Variants in ATRX observed in about 807,000 individuals in gnomAD.
ATRX encodes the protein ATRX chromatin remodeler, also known as chromatin remodeler ATRX.
A neutral mutation model predicts 172.6 loss-of-function variants in ATRX; 12 were observed. That is an observed-to-expected ratio of 0.07 (90% CI 0.04 to 0.11). The LOEUF is 0.11. ATRX is among the 10% of genes least tolerant of loss of function. The pLI is 1.00. For missense variants in ATRX, 1,368 were observed against 1,767.4 expected (o/e 0.77, Z 4.05); for synonymous variants, 674 against 594.7 (o/e 1.13, Z -1.94).
intron 1 of ATRX, among the ~76,000 whole-genome samples, chrX:77,729,483 A>C (rs2074207025): frequency 1.8e-5 from 2 of 112,244 alleles, no homozygotes; most frequent in African/African-American, 6.5e-5. Flanking sequence ...TAATTCATAG[A>C]CTTTTCTTTA....
chrX:77,737,068 G>A (rs193167898), intron 1 of ATRX, among the ~76,000 whole-genome samples: 4 of 110,140 alleles, frequency 3.6e-5, no homozygotes, highest in Non-Finnish European at 5.7e-5. Context: ...AAGTGCGAGG[G>A]GGGGCAAGAT....
rs146521598 is a variant in ATRX at position 77,681,975 on chromosome X, C to A, written c.3281G>T (p.Cys1094Phe). 1 of 1,210,169 alleles carries A rather than the reference C, an allele frequency of 8.3e-7. No homozygotes were observed. Among genetic ancestry groups the A allele is most frequent in the Admixed American group, 2.2e-5 (1 of 45,971 alleles). ...CCTTGAACTCTTTCCAAGCAACTTG[C>A]ACCTTTTCTTCTCTCTACCATATGC... ...NGAYGREKKR[C>F]KLLGKSSRKR... The change falls in exon 9 of 35, where the codon TGC (cysteine) becomes TTC (phenylalanine). Residue 1094 changes from cysteine (C) to phenylalanine (F), a missense_variant. Transcript: ENST00000373344.
intron 30 of ATRX, among the ~76,000 whole-genome samples, chrX:77,526,390 C>A (rs2063382788): frequency 8.9e-6 from 1 of 111,802 alleles, no homozygotes; most frequent in African/African-American, 3.3e-5. Flanking sequence ...GCAACCTCCA[C>A]CTCCCAGGTT....
chrX:77,757,932 T>C (rs1250077123), intron 1 of ATRX, among the ~76,000 whole-genome samples: 1 of 109,163 alleles, frequency 9.2e-6, no homozygotes, highest in Non-Finnish European at 1.9e-5. Context: ...GGCCTCCCAA[T>C]TGACTTATCT....
intron 1 of ATRX, among the ~76,000 whole-genome samples, chrX:77,732,110 C>A (rs1557176423): frequency 8.9e-6 from 1 of 111,848 alleles, no homozygotes; most frequent in Non-Finnish European, 1.9e-5. Context: ...ACACCACCCC[C>A]CTCCCCATCA....
At chrX:77,539,297 G>A (rs1024826699) in intron 30 of ATRX, among the ~76,000 whole-genome samples, 1 of 110,825 alleles carries the variant, frequency 9.0e-6, no homozygotes, top group Admixed American at 9.7e-5. Flanking sequence ...TTTAAAAGTA[G>A]ATAGTATAAG....
intron 2 of ATRX, among the ~76,000 whole-genome samples, chrX:77,709,254 C>T (rs782211679): frequency 8.9e-6 from 1 of 112,009 alleles, no homozygotes; most frequent in African/African-American, 3.2e-5. Flanking sequence ...GAATTTATTA[C>T]TCATTAAGTA....
At chrX:77,592,681 G>A (rs1486398160) in intron 26 of ATRX, among the ~76,000 whole-genome samples, 3 of 108,583 alleles carry the variant, frequency 2.8e-5, no homozygotes, top group Non-Finnish European at 5.7e-5. Flanking sequence ...GCGTGGTGGT[G>A]CGTGCCTGGA....
chrX:77,542,421 C>T lies in ATRX; in HGVS notation c.6699+15030G>A, dbSNP rs1288878622. Among the ~76,000 whole-genome samples the T allele has an allele frequency of 4.5e-5, 5 of 111,531 alleles. 1 individual carries two copies. The highest frequency in any genetic ancestry group is 7.5e-5 in the Non-Finnish European group (4 of 53,070). ...AGTAATTTATAGATTCAATGCTGTC[C>T]CCATCAAGCTACCACTGACTTTATT... On this transcript the variant is annotated intron_variant, in intron 30 of 34. Coordinates refer to ENST00000373344, the MANE Select transcript of ATRX (RefSeq NM_000489.6).
rs1060499760 is a variant in ATRX at position 77,683,580 on chromosome X, G to A, written c.1676C>T (p.Ser559Leu). Reference protein sequence around the residue: ...SSGTEQEVESSSVKLNISSKD... With the variant: ...SSGTEQEVESLSVKLNISSKD... ...TGAAGAAATATTTAATTTTACAGAT[G>A]AACTCTCCACTTCTTGTTCAGTTCC... is the stretch of plus-strand genomic sequence containing the variant. Residue 559 changes from serine to leucine, a missense_variant, in exon 9 of 35, where the codon TCA becomes TTA. Physicochemically the swap from Ser to Leu is moderately radical, Grantham distance 145. Coordinates refer to ENST00000373344, the MANE Select transcript of ATRX (RefSeq NM_000489.6). The A allele has an allele frequency of 8.3e-7, 1 of 1,210,868 alleles. No homozygotes were observed. Among genetic ancestry groups the A allele is most frequent in the Non-Finnish European group, 1.1e-6 (1 of 895,017 alleles).
intron 22 of ATRX, among the ~76,000 whole-genome samples, chrX:77,603,064 T>A (rs2066741937): frequency 9.1e-6 from 1 of 110,456 alleles, no homozygotes; most frequent in Non-Finnish European, 1.9e-5. Flanking sequence ...TTACAACCAA[T>A]GCCTCAGAAA....
chrX:77,776,522 A>G (rs1749487593), intron 1 of ATRX, among the ~76,000 whole-genome samples: 1 of 112,437 alleles, frequency 8.9e-6, no homozygotes, highest in African/African-American at 3.2e-5. Flanking sequence ...AACTCATAGG[A>G]AAAATGAGGT....
intron 11 of ATRX, among the ~76,000 whole-genome samples, 188 bp from the exon 12 acceptor site, chrX:77,663,746 CTAAA>C (rs1300574684): frequency 8.9e-6 from 1 of 111,831 alleles, no homozygotes; most frequent in Non-Finnish European, 1.9e-5. Flanking sequence ...TAAATATTGA[CTAAA>C]TATCACCTAT....
intron 22 of ATRX, among the ~76,000 whole-genome samples, chrX:77,604,622 C>T (rs1157062124): frequency 9.0e-6 from 1 of 111,651 alleles, no homozygotes; most frequent in Non-Finnish European, 1.9e-5. Flanking sequence ...ACATTTGATC[C>T]AGCAATCCCA....
At chrX:77,689,961 A>G (rs1264491632) in intron 6 of ATRX, among the ~76,000 whole-genome samples, 1 of 112,507 alleles carries the variant, frequency 8.9e-6, no homozygotes, top group Non-Finnish European at 1.9e-5. Context: ...AATAAAAAAC[A>G]AAACATCACA....
In ATRX at chrX:77,524,112, A is replaced by AC. The variant is rs782060539; in HGVS notation, c.6700-712dup. On this transcript the variant is annotated intron_variant, in intron 30 of 34. Transcript: ENST00000373344. ...TTATATACTCAGTAAGAACAACTAA[A>AC]CTCCTGCTCTGTTTAATTATGACTG... is the stretch of plus-strand genomic sequence containing the variant. 8.1e-5 allele frequency among the ~76,000 whole-genome samples: 9 copies of AC among 111,397 alleles called. No homozygotes were observed. In the East Asian group the frequency reaches 2.5e-3, roughly 31 times the overall value.
At chrX:77,678,259 G>C (rs1050296678) in intron 9 of ATRX, among the ~76,000 whole-genome samples, 5 of 107,982 alleles carry the variant, frequency 4.6e-5, no homozygotes, top group Non-Finnish European at 9.6e-5. Flanking sequence ...AGAGAGAAGA[G>C]ATTTCATAAT....
At chrX:77,637,996 A>G (rs1557109269) in intron 15 of ATRX, among the ~76,000 whole-genome samples, 1 of 110,698 alleles carries the variant, frequency 9.0e-6, no homozygotes, top group Non-Finnish European at 1.9e-5. Context: ...AAAAAATTAA[A>G]AAACAAAAAT....
Position 77,505,316 on chromosome X carries a change from C to A in ATRX, c.*3035G>T. ...AATGAACATAGCTAAGGGAAGGCTA[C>A]AAAATATTCAGCTCATTTGGAGGCC... is the stretch of plus-strand genomic sequence containing the variant. On this transcript the variant is annotated 3_prime_UTR_variant, in exon 35 of 35. Coordinates refer to ENST00000373344, the MANE Select transcript of ATRX (RefSeq NM_000489.6). The A allele has an allele frequency of 5.7e-6, 1 of 174,246 alleles. No homozygotes were observed. The highest frequency in any genetic ancestry group is 1.1e-5 in the Non-Finnish European group (1 of 90,982). 14.4% of individuals were successfully genotyped at this position (174,246 alleles called of 1,213,427 possible). A position where few individuals can be genotyped will look rare whatever the true frequency, so the allele number is the denominator to read the frequency against.
Sources: allele counts gnomAD v4.1 joint callset (sites outside exome capture counted in the v4.1 genomes callset), GRCh38; gene constraint gnomAD v4.1.1; transcripts MANE v1.5; gene names NCBI Gene and HGNC (gene_info 2026-07-23, HGNC 2026-07-21).